ACYP2: variants seen among roughly 807,000 people sequenced by gnomAD.
ACYP2 encodes acylphosphatase-2.
Under a neutral mutation model 11.2 loss-of-function variants are expected in ACYP2, and 12 were observed. The observed-to-expected ratio is 1.08, with a 90% CI of 0.69 to 1.74. The LOEUF is 1.74. Among genes scored for constraint, ACYP2 ranks in the 40% most tolerant of loss-of-function variants. ACYP2 has a pLI of 0.00. For missense variants in ACYP2, 134 were observed against 101.9 expected (o/e 1.31, Z -1.35); for synonymous variants, 43 against 32.2 (o/e 1.33, Z -1.13).
intron 2 of ACYP2, among the ~76,000 whole-genome samples, chr2:54,028,478 T>A (rs1302217707): frequency 2.6e-5 from 4 of 152,176 alleles, no homozygotes; most frequent in African/African-American, 9.7e-5. Flanking sequence ...GGGATGATGT[T>A]CTCTGAAGTT....
rs1471125111 is a variant in ACYP2, at chr2:54,290,668, C to T, written c.405-14020C>T. Among the ~76,000 whole-genome samples, 3 of 152,160 alleles carry T rather than the reference C, an allele frequency of 2.0e-5. No individual in the cohort carries two copies. In the East Asian group the frequency reaches 5.8e-4, roughly 29 times the overall value. On this transcript the variant is annotated intron_variant, in intron 6 of 6. Transcript: ENST00000607452. The stretch of plus-strand genomic sequence containing the variant: ...AGATTATCTAGTAGTTCTCTATCGG[C>T]TAATGGCATCCCCCAACCCCAACTC...
intron 4 of ACYP2, among the ~76,000 whole-genome samples, chr2:54,093,061 A>G (rs1450889992): frequency 6.6e-6 from 1 of 151,874 alleles, no homozygotes; most frequent in Non-Finnish European, 1.5e-5. Context: ...CAGCAGGTAA[A>G]CTCCTCCTGC....
At chr2:54,042,048 C>G (rs1675261055) in intron 2 of ACYP2, among the ~76,000 whole-genome samples, 1 of 151,538 alleles carries the variant, frequency 6.6e-6, no homozygotes, top group South Asian at 2.1e-4. Context: ...ACTCTTCTTG[C>G]CCAGGCTGGA....
intron 4 of ACYP2, among the ~76,000 whole-genome samples, chr2:54,104,859 C>CA (rs1344329173): frequency 6.6e-6 from 1 of 152,036 alleles, no homozygotes; most frequent in Non-Finnish European, 1.5e-5. Flanking sequence ...TGCAACTAGA[C>CA]AAAAAAGGCT....
chr2:54,085,397 G>C (rs982051715), intron 4 of ACYP2, among the ~76,000 whole-genome samples: 1 of 152,194 alleles, frequency 6.6e-6, no homozygotes, highest in Non-Finnish European at 1.5e-5. Flanking sequence ...CTGGCCACCT[G>C]TGACATTAAA....
At chr2:54,166,980 G>A (rs1356638772) in intron 6 of ACYP2, 2 of 151,344 alleles carry the variant, frequency 1.3e-5, no homozygotes, top group Non-Finnish European at 2.9e-5. Flanking sequence ...AAACCTGCTG[G>A]ACAAATTCTG....
At chr2:54,103,458 T>C (rs994206507) in intron 4 of ACYP2, among the ~76,000 whole-genome samples, 1 of 152,248 alleles carries the variant, frequency 6.6e-6, no homozygotes, top group African/African-American at 2.4e-5. Flanking sequence ...AAATGTTTTT[T>C]TTCCAGTTTG....
intron 6 of ACYP2, among the ~76,000 whole-genome samples, chr2:54,250,061 ACTTT>A (rs1229044143): frequency 6.6e-6 from 1 of 151,582 alleles, no homozygotes; most frequent in Non-Finnish European, 1.5e-5. Flanking sequence ...AGCTCAGTGC[ACTTT>A]CTATTTTATG....
chr2:53,997,213 G>A (rs909536717), intron 2 of ACYP2, among the ~76,000 whole-genome samples: 1 of 152,144 alleles, frequency 6.6e-6, no homozygotes, highest in Admixed American at 6.5e-5. Flanking sequence ...AGAAAGTATG[G>A]TAGGTATACT....
intron 6 of ACYP2, among the ~76,000 whole-genome samples, chr2:54,218,693 A>AATAGGTGGTACAGTGGTAATAG (rs1685661066): frequency 6.6e-6 from 1 of 151,836 alleles, no homozygotes; most frequent in Non-Finnish European, 1.5e-5. Context: ...GGGGTGGTAT[A>AATAGGTGGTACAGTGGTAATAG]GTGGTACTAG....
At chr2:53,977,860 G>A (rs1197846663) in intron 2 of ACYP2, among the ~76,000 whole-genome samples, 2 of 152,096 alleles carry the variant, frequency 1.3e-5, no homozygotes, top group Non-Finnish European at 2.9e-5. Flanking sequence ...CTGGCATCTG[G>A]AGATTTCCTT....
chr2:54,008,805 G>A (rs1673207184), intron 2 of ACYP2, among the ~76,000 whole-genome samples: 2 of 152,132 alleles, frequency 1.3e-5, no homozygotes, highest in Admixed American at 6.5e-5. Flanking sequence ...TTCTCTGCTA[G>A]CAAGGTAGCC....
intron 2 of ACYP2, among the ~76,000 whole-genome samples, chr2:54,035,009 CAAAAAAAAAA>C (rs550142135): frequency 0.27 from 12,153 of 45,116 alleles, 1,378 homozygotes; most frequent in African/African-American, 0.37. Flanking sequence ...GACTACATCT[CAAAAAAAAAA>C]AAAAAAAAAA....
intron 6 of ACYP2, among the ~76,000 whole-genome samples, chr2:54,285,942 C>T (rs1682102): frequency 0.39 from 59,811 of 151,998 alleles, 12,096 homozygotes; most frequent in Admixed American, 0.49. Flanking sequence ...GTTGTCATAC[C>T]TGTCCTGGAC....
At chr2:54,296,102 G>C (rs1689510959) in intron 6 of ACYP2, among the ~76,000 whole-genome samples, 1 of 152,172 alleles carries the variant, frequency 6.6e-6, no homozygotes, top group Admixed American at 6.5e-5. Context: ...TTGTGGAGGA[G>C]GCATATAATA....
intron 6 of ACYP2, among the ~76,000 whole-genome samples, chr2:54,283,822 A>G (rs1418585639): frequency 6.6e-6 from 1 of 152,244 alleles, no homozygotes; most frequent in Non-Finnish European, 1.5e-5. Context: ...TAACATTAAA[A>G]AACTATCTTT....
intron 6 of ACYP2, among the ~76,000 whole-genome samples, chr2:54,250,854 T>C (rs747773597): frequency 5.9e-5 from 9 of 152,236 alleles, no homozygotes; most frequent in Non-Finnish European, 1.2e-4. Context: ...TAATTGTCTA[T>C]AGCATATGCC....
chr2:54,089,156 C>T (rs1404531885), intron 4 of ACYP2, among the ~76,000 whole-genome samples: 1 of 152,146 alleles, frequency 6.6e-6, no homozygotes, highest in East Asian at 1.9e-4. Context: ...AAAGGACTAG[C>T]TCTTATTTAT....
At chr2:54,237,671 G>T (rs569177087) in intron 6 of ACYP2, among the ~76,000 whole-genome samples, 2 of 151,990 alleles carry the variant, frequency 1.3e-5, no homozygotes, top group Non-Finnish European at 2.9e-5. Context: ...TTTCTCTCAG[G>T]TTTCTTTTAA....
Sources: gnomAD v4.1 joint callset for allele counts (sites outside exome capture counted in the v4.1 genomes callset) on GRCh38, gnomAD v4.1.1 for gene constraint, MANE v1.5 for transcripts, NCBI Gene and HGNC (gene_info 2026-07-23, HGNC 2026-07-21) for gene names.